The following TMEM161A variants were observed in gnomAD, a reference collection of about 807,000 sequenced individuals.
TMEM161A encodes the protein adaptive response to oxidative stress protein 29.
TMEM161A carries 46 observed loss-of-function variants against 57.1 expected under a neutral mutation model. The observed-to-expected ratio is 0.81, with a 90% CI of 0.64 to 1.03. The LOEUF is 1.03. TMEM161A is among the 50% of genes least tolerant of loss of function. The pLI, the probability that TMEM161A is intolerant of heterozygous loss-of-function variation, is 0.00. For synonymous variants in TMEM161A, 288 were observed against 279.0 expected, an observed-to-expected ratio of 1.03 and a Z score of -0.32; for missense variants, 601 against 621.5, an observed-to-expected ratio of 0.97 and a Z score of 0.35.
At chr19:19,124,873 T>C (rs1198049764) in intron 6 of TMEM161A, among the ~76,000 whole-genome samples, 1 of 152,046 alleles carries the variant, frequency 6.6e-6, no homozygotes, top group Non-Finnish European at 1.5e-5. Context: ...AAGAATTGCT[T>C]GAACCCAGGA....
In TMEM161A at chr19:19,132,819, A is replaced by C; in HGVS notation, c.189-65T>G. The C allele has an allele frequency of 7.7e-7, 1 of 1,301,906 alleles. No homozygotes were observed. The highest frequency in any genetic ancestry group is 1.1e-6 in the Non-Finnish European group (1 of 948,216). 80.6% of individuals were successfully genotyped at this position (1,301,906 alleles called of 1,614,324 possible). A position where few individuals can be genotyped will look rare whatever the true frequency, so the allele number is the denominator to read the frequency against. On this transcript the variant is annotated intron_variant, in intron 3 of 11. Coordinates refer to ENST00000162044, the MANE Select transcript of TMEM161A (RefSeq NM_017814.3). This position sits in a 1 kb window ranked among gnomAD's most constrained non-coding sequence, Gnocchi z 4.3. Reference sequence around the variant, plus strand: ...CATTCCACTGAGGCCAGCCACCCTCAGAGCTCAGAGCAGCTGGCCTGGAGA... The same window carrying C: ...CATTCCACTGAGGCCAGCCACCCTCCGAGCTCAGAGCAGCTGGCCTGGAGA...
chr19:19,133,879 C>T (rs1348989234), intron 2 of TMEM161A, among the ~76,000 whole-genome samples: 1 of 152,156 alleles, frequency 6.6e-6, no homozygotes, highest in Non-Finnish European at 1.5e-5. Flanking sequence ...AAACGATCCT[C>T]CTGCCTCAGA....
chr19:19,120,696 G>A (rs1389160799), intron 11 of TMEM161A, 69 bp downstream of exon 11: 5 of 1,043,512 alleles, frequency 4.8e-6, no homozygotes, highest in Non-Finnish European at 6.9e-6. Flanking sequence ...GTCCCCGCCA[G>A]AGTCCACCTC....
In TMEM161A at chr19:19,132,063, T is replaced by C. The variant is rs2059961798; in HGVS notation, c.443+289A>G. 6.6e-6 allele frequency among the ~76,000 whole-genome samples: 1 copy of C among 152,110 alleles called. No individual in the cohort carries two copies. On this transcript the variant is annotated intron_variant, in intron 5 of 11. Coordinates refer to ENST00000162044, the MANE Select transcript of TMEM161A (RefSeq NM_017814.3). This position sits in a 1 kb window ranked among gnomAD's most constrained non-coding sequence, Gnocchi z 4.3. ...AACAAGGAGAATGTGGTAGAAAGAATAGGGATGGGGTGGGTGACTTTGGGC... is the reference window on the plus strand; with the variant it reads ...AACAAGGAGAATGTGGTAGAAAGAACAGGGATGGGGTGGGTGACTTTGGGC...
chr19:19,123,278 G>T (rs1005563369), intron 6 of TMEM161A, among the ~76,000 whole-genome samples: 9 of 152,226 alleles, frequency 5.9e-5, no homozygotes, highest in African/African-American at 2.2e-4. Context: ...TACTGGAAGA[G>T]AATGGTTGAG....
chr19:19,123,281 T>C (rs1400248769), intron 6 of TMEM161A, among the ~76,000 whole-genome samples: 1 of 152,186 alleles, frequency 6.6e-6, no homozygotes, highest in African/African-American at 2.4e-5. Context: ...TGGAAGAGAA[T>C]GGTTGAGAAG....
Position 19,134,889 on chromosome 19 carries a change from TG to T in TMEM161A, c.4-3del. 1.3e-6 allele frequency: 2 copies of T among 1,579,662 alleles called. No individual in the cohort carries two copies. Among genetic ancestry groups the T allele is most frequent in the Non-Finnish European group, 1.7e-6 (2 of 1,162,654 alleles). ...CACCAGCTGTACTCCGAGGACCGCC[TG>T]GGGGGAGGGGACATGACTGGCAGCA... On this transcript the variant is annotated splice_polypyrimidine_tract_variant and splice_region_variant and intron_variant, in intron 1 of 11. Transcript: ENST00000162044.
intron 1 of TMEM161A, among the ~76,000 whole-genome samples, chr19:19,135,901 G>A (rs1406834214): frequency 1.3e-5 from 2 of 151,808 alleles, no homozygotes; most frequent in Non-Finnish European, 2.9e-5. Flanking sequence ...TTTTAGAGAT[G>A]GGGTCTTGCT....
chr19:19,138,403 C>G (rs920094783), intron 1 of TMEM161A, 23 bp downstream of exon 1: 9 of 1,601,902 alleles, frequency 5.6e-6, no homozygotes, highest in African/African-American at 5.4e-5. Context: ...CAGAACCCCC[C>G]ACTTCGCGGG....
chr19:19,134,061 T>TC (rs1420346375), intron 2 of TMEM161A, among the ~76,000 whole-genome samples: 4 of 151,762 alleles, frequency 2.6e-5, no homozygotes, highest in Admixed American at 2.6e-4. Flanking sequence ...GACGTGTTTT[T>TC]TTTTTTTGCC....
chr19:19,125,529 T>C (rs2146329728), intron 6 of TMEM161A, among the ~76,000 whole-genome samples: 1 of 149,640 alleles, frequency 6.7e-6, no homozygotes, highest in Admixed American at 6.6e-5. Flanking sequence ...TTTTTTTTTT[T>C]TTTTTTAGAC....
intron 5 of TMEM161A, chr19:19,130,553 A>T (rs1331435782): frequency 1.9e-6 from 1 of 521,886 alleles, no homozygotes; most frequent in African/African-American, 1.9e-5. Flanking sequence ...GCCCTGGGTG[A>T]CCCTGCCTCT....
intron 6 of TMEM161A, among the ~76,000 whole-genome samples, chr19:19,126,054 T>A (rs916035333): frequency 1.3e-5 from 2 of 149,844 alleles, no homozygotes; most frequent in African/African-American, 4.9e-5. Context: ...TTGCCTGAGG[T>A]CTGGAGTTCA....
chr19:19,120,303 A>T (rs2059902403), intron 11 of TMEM161A, 120 bp from the exon 12 acceptor site: 2 of 916,948 alleles, frequency 2.2e-6, no homozygotes, highest in Non-Finnish European at 3.2e-6. Context: ...CTCAGACTCC[A>T]TCTCCAGCCC....
chr19:19,121,213 A>G lies in TMEM161A; in HGVS notation c.915-47T>C. 6.4e-7 allele frequency: 1 copy of G among 1,551,660 alleles called. No homozygotes were observed. The highest frequency in any genetic ancestry group is 8.7e-7 in the Non-Finnish European group (1 of 1,147,166). ...CAAGGGACTAAGAAGGTCGCCCCCG[A>G]CCCCCCAGGATCTTCCCCAGGCTCC... is the stretch of plus-strand genomic sequence containing the variant. On this transcript the variant is annotated intron_variant, in intron 9 of 11. Coordinates refer to ENST00000162044, the MANE Select transcript of TMEM161A (RefSeq NM_017814.3). This position sits in a 1 kb window ranked among gnomAD's most constrained non-coding sequence, Gnocchi z 5.8.
intron 10 of TMEM161A, 53 bp from the exon 11 acceptor site, chr19:19,120,914 G>A (rs1246812061): frequency 6.2e-7 from 1 of 1,611,460 alleles, no homozygotes; most frequent in African/African-American, 1.3e-5. Flanking sequence ...GGTTTGGGAC[G>A]ACTCCACGCC....
At position 19,121,883 on chromosome 19, in the gene TMEM161A, C is replaced by A; in HGVS notation, c.596-64G>T. 1 of 1,562,220 alleles carries A rather than the reference C, an allele frequency of 6.4e-7. No homozygotes were observed. Among genetic ancestry groups the A allele is most frequent in the Admixed American group, 1.7e-5 (1 of 57,562 alleles). ...CTAGGGTCTCTAAGGCCACTCTGTT[C>A]CCTAACCCCCCATCCCTCAGGCATC... On this transcript the variant is annotated intron_variant, in intron 6 of 11. Transcript: ENST00000162044. The surrounding 1 kb of genome is among the most constrained non-coding windows in gnomAD (Gnocchi z 5.8).
rs1295120267 is a variant in TMEM161A at position 19,130,031 on chromosome 19, G to A, written c.595+125C>T. ...GCTGAGATGGTCACTAATGGGGACT[G>A]CCTTCACCCCAGGAGCCCACTCCTT... On this transcript the variant is annotated intron_variant, in intron 6 of 11. Coordinates refer to ENST00000162044, the MANE Select transcript of TMEM161A (RefSeq NM_017814.3). 5 of 1,085,526 alleles carry A rather than the reference G, an allele frequency of 4.6e-6. No homozygotes were observed. In the Admixed American group the frequency reaches 1.1e-4, roughly 24 times the overall value. 67.2% of individuals were successfully genotyped at this position (1,085,526 alleles called of 1,614,324 possible).
chr19:19,133,462 C>G (rs1042173108), intron 2 of TMEM161A: 1 of 452,152 alleles, frequency 2.2e-6, no homozygotes. Flanking sequence ...GTGTGTGCAA[C>G]TTTTCTTTTC....
Sources: gnomAD v4.1 joint callset for allele counts (sites outside exome capture counted in the v4.1 genomes callset) on GRCh38, gnomAD v4.1.1 for gene constraint, Gnocchi (gnomAD v3.1) non-coding constraint, MANE v1.5 for transcripts, NCBI Gene and HGNC (gene_info 2026-07-23, HGNC 2026-07-21) for gene names.